DGKB: variants seen among roughly 807,000 people sequenced by gnomAD.
DGKB encodes the protein diacylglycerol kinase beta.
In DGKB, 67 loss-of-function variants were observed where a neutral mutation model predicts 114.3. The observed-to-expected ratio is 0.59, with a 90% CI of 0.48 to 0.72. The LOEUF is 0.72. Among genes scored for constraint, DGKB ranks in the 30% least tolerant of loss-of-function variants. The pLI is 0.00. For synonymous variants in DGKB, 398 were observed against 323.1 expected, an observed-to-expected ratio of 1.23 and a Z score of -2.49; for missense variants, 907 against 975.2, an observed-to-expected ratio of 0.93 and a Z score of 0.93.
At chr7:14,213,278 AT>A (rs1166737456) in intron 23 of DGKB, among the ~76,000 whole-genome samples, 5 of 151,836 alleles carry the variant, frequency 3.3e-5, no homozygotes, top group Admixed American at 6.6e-5. Flanking sequence ...GCGCTTTCTC[AT>A]TTTTTCTGTT....
intron 2 of DGKB, among the ~76,000 whole-genome samples, chr7:14,818,102 C>A (rs1844415941): frequency 6.6e-6 from 1 of 152,066 alleles, no homozygotes; most frequent in South Asian, 2.1e-4. Flanking sequence ...ATGATAATAA[C>A]AAAATCCCAG....
chr7:14,317,191 A>C (rs2128521631), intron 23 of DGKB, among the ~76,000 whole-genome samples: 1 of 75,434 alleles, frequency 1.3e-5, no homozygotes, highest in Admixed American at 1.3e-4. Context: ...CTGAATGGGC[A>C]AAAACTGGAA....
intron 9 of DGKB, among the ~76,000 whole-genome samples, chr7:14,693,720 G>T (rs996768354): frequency 6.6e-6 from 1 of 151,924 alleles, no homozygotes; most frequent in Non-Finnish European, 1.5e-5. Flanking sequence ...TTGAAATAAT[G>T]AAGCACCAAA....
At chr7:14,194,628 GTTATA>G (rs1013529092) in intron 23 of DGKB, among the ~76,000 whole-genome samples, 22 of 152,086 alleles carry the variant, frequency 1.4e-4, no homozygotes, top group Admixed American at 4.6e-4. Context: ...GTTAATATAT[GTTATA>G]TTATGTTATA....
intron 20 of DGKB, among the ~76,000 whole-genome samples, chr7:14,518,104 A>G (rs180788079): frequency 8.5e-5 from 13 of 152,198 alleles, no homozygotes; most frequent in Non-Finnish European, 1.3e-4. Context: ...AATGTGGTAC[A>G]TATACACTAT....
At chr7:14,585,717 T>A (rs1325502469) in intron 17 of DGKB, among the ~76,000 whole-genome samples, 1 of 152,206 alleles carries the variant, frequency 6.6e-6, no homozygotes, top group Non-Finnish European at 1.5e-5. Flanking sequence ...AGCAAGTCTA[T>A]CAGTGCCATG....
intron 1 of DGKB, among the ~76,000 whole-genome samples, chr7:14,911,932 A>C (rs1784025339): frequency 6.6e-6 from 1 of 152,224 alleles, no homozygotes; most frequent in African/African-American, 2.4e-5. Flanking sequence ...GCCAGAAAAA[A>C]GGAAAGTCTG....
chr7:14,866,818 A>G (rs538519598), intron 1 of DGKB, among the ~76,000 whole-genome samples: 1 of 152,150 alleles, frequency 6.6e-6, no homozygotes, highest in East Asian at 1.9e-4. Context: ...CTGTTTTTCA[A>G]AGTGACTACA....
intron 25 of DGKB, among the ~76,000 whole-genome samples, chr7:14,174,598 C>T (rs761269212): frequency 1.3e-4 from 20 of 152,138 alleles, no homozygotes; most frequent in Non-Finnish European, 2.5e-4. Context: ...AGTGACTTTT[C>T]ATTAAAAACA....
chr7:14,452,563 G>C (rs900909507), intron 21 of DGKB, among the ~76,000 whole-genome samples: 1 of 151,828 alleles, frequency 6.6e-6, no homozygotes, highest in Non-Finnish European at 1.5e-5. Flanking sequence ...ACTTGATAAG[G>C]GCATTTCTTA....
At chr7:14,682,710 C>T in intron 11 of DGKB, 41 bp from the exon 12 acceptor site, 2 of 1,605,804 alleles carry the variant, frequency 1.2e-6, no homozygotes, top group Non-Finnish European at 1.7e-6. Context: ...GGACACACTA[C>T]ATAATGGCCA....
intron 20 of DGKB, among the ~76,000 whole-genome samples, chr7:14,515,811 C>A (rs1217338829): frequency 1.3e-5 from 2 of 152,144 alleles, no homozygotes; most frequent in African/African-American, 2.4e-5. Flanking sequence ...TATAAGAGGA[C>A]TTCTCATTCC....
intron 1 of DGKB, among the ~76,000 whole-genome samples, chr7:14,860,184 A>G (rs1850765893): frequency 6.6e-6 from 1 of 152,110 alleles, no homozygotes; most frequent in Admixed American, 6.5e-5. Flanking sequence ...AGGACAGCAT[A>G]ATATAAACTT....
intron 1 of DGKB, among the ~76,000 whole-genome samples, chr7:14,922,314 G>A (rs541148447): frequency 1.4e-4 from 21 of 151,650 alleles, no homozygotes; most frequent in Admixed American, 1.1e-3. Flanking sequence ...TACTCCCACT[G>A]TCTCTAGTAT....
At chr7:14,424,667 C>T (rs1827229136) in intron 21 of DGKB, among the ~76,000 whole-genome samples, 1 of 152,026 alleles carries the variant, frequency 6.6e-6, no homozygotes, top group African/African-American at 2.4e-5. Flanking sequence ...AAGCTTCAAA[C>T]CGGGTCTCCG....
At chr7:14,597,927 T>A (rs1366012601) in intron 17 of DGKB, among the ~76,000 whole-genome samples, 1 of 152,170 alleles carries the variant, frequency 6.6e-6, no homozygotes. Flanking sequence ...ATAATTTATG[T>A]GAGCAATCAA....
chr7:14,164,019 A>C (rs6973900), intron 25 of DGKB, among the ~76,000 whole-genome samples: 1 of 151,968 alleles, frequency 6.6e-6, no homozygotes, highest in Non-Finnish European at 1.5e-5. Flanking sequence ...AAACAAAAAA[A>C]AAAACAAAAT....
intron 4 of DGKB, among the ~76,000 whole-genome samples, chr7:14,752,553 T>C (rs1278194178): frequency 6.6e-6 from 1 of 152,154 alleles, no homozygotes; most frequent in Non-Finnish European, 1.5e-5. Flanking sequence ...AGCAGTAATA[T>C]GTGCAGGCTG....
intron 2 of DGKB, among the ~76,000 whole-genome samples, chr7:14,765,060 A>G (rs1026505048): frequency 1.3e-4 from 20 of 151,986 alleles, no homozygotes; most frequent in African/African-American, 4.8e-4. Flanking sequence ...GAAATATGGA[A>G]CTATTGTTAA....
Sources: allele counts gnomAD v4.1 joint callset (sites outside exome capture counted in the v4.1 genomes callset), GRCh38; gene constraint gnomAD v4.1.1; transcripts MANE v1.5; gene names NCBI Gene and HGNC (gene_info 2026-07-23, HGNC 2026-07-21).